The following PCDHA11 variants were observed in gnomAD, a reference collection of about 807,000 sequenced individuals.
PCDHA11 encodes the protein protocadherin alpha 11, also known as protocadherin alpha-11.
PCDHA11 carries 61 observed loss-of-function variants against 70.3 expected under a neutral mutation model. The observed-to-expected ratio is 0.87, with a 90% confidence interval of 0.71 to 1.07. PCDHA11 has a LOEUF of 1.07. PCDHA11 is among the 50% of genes least tolerant of loss of function. PCDHA11 has a pLI of 0.00. For synonymous variants in PCDHA11, 633 were observed against 555.1 expected, an observed-to-expected ratio of 1.14 and a Z score of -1.97; for missense variants, 1,324 against 1,237.5, an observed-to-expected ratio of 1.07 and a Z score of -1.05.
intron 2 of PCDHA11, among the ~76,000 whole-genome samples, chr5:140,980,144 T>C (rs2096877989): frequency 6.6e-6 from 1 of 152,172 alleles, no homozygotes; most frequent in Admixed American, 6.6e-5. Flanking sequence ...GAAACATTCA[T>C]GCATATACCA....
chr5:140,975,811 A>G (rs2096684538), intron 1 of PCDHA11, among the ~76,000 whole-genome samples: 3 of 134,728 alleles, frequency 2.2e-5, no homozygotes, highest in Non-Finnish European at 5.2e-5. Context: ...TATAATTTTA[A>G]TAGGAACTGA....
intron 1 of PCDHA11, among the ~76,000 whole-genome samples, chr5:140,888,562 G>T (rs781854673): frequency 6.6e-6 from 1 of 152,112 alleles, no homozygotes; most frequent in East Asian, 1.9e-4. Flanking sequence ...TCCTTTCAAG[G>T]CTTCATTTTA....
In PCDHA11 at chr5:140,871,330, G is replaced by A; in HGVS notation, c.2227G>A (p.Ala743Thr). The change falls in exon 1 of 4, where the codon GCG becomes ACG. Residue 743 changes from alanine (A) to threonine (T), a missense_variant. Coordinates refer to ENST00000398640, the MANE Select transcript of PCDHA11 (RefSeq NM_018902.5). ...PGKPTLVCSR[A>T]VGSWSYSQQR... is the part of the protein sequence containing the mutation. ...GAAGCCCACGCTGGTGTGCTCCCGC[G>A]CGGTGGGGAGCTGGTCATACTCGCA... 1.9e-6 allele frequency: 3 copies of A among 1,614,116 alleles called. No individual in the cohort carries two copies. The highest frequency in any genetic ancestry group is 1.1e-5 in the South Asian group (1 of 91,090).
chr5:140,936,270 T>G (rs1367001317), intron 1 of PCDHA11, among the ~76,000 whole-genome samples: 2 of 152,226 alleles, frequency 1.3e-5, no homozygotes, highest in Non-Finnish European at 2.9e-5. Context: ...GAAGATATAT[T>G]CCTGTGTTTT....
intron 1 of PCDHA11, among the ~76,000 whole-genome samples, chr5:140,908,509 A>G (rs1458307706): frequency 1.3e-5 from 2 of 152,116 alleles, no homozygotes; most frequent in Non-Finnish European, 2.9e-5. Flanking sequence ...TGACTTGATG[A>G]CCCATAGTCA....
rs1562631338 is a variant in PCDHA11 at position 140,869,628 on chromosome 5, T to A, written c.525T>A (p.Asn175Lys). The A allele has an allele frequency of 6.2e-7, 1 of 1,613,700 alleles. No individual in the cohort carries two copies. Residue 175 changes from asparagine (N) to lysine (K), a missense_variant, in exon 1 of 4, where the codon AAT becomes AAA. Asn to Lys is a moderately conservative substitution (Grantham distance 94). Transcript: ENST00000398640. ...NALLTYRLSK[N>K]EYFSLDSPTN... is the part of the protein sequence containing the mutation. ...TATTGACCTACAGGCTAAGTAAAAA[T>A]GAGTATTTTTCTTTAGATTCACCAA...
chr5:140,876,801 G>A lies in PCDHA11; in HGVS notation c.2391+5307G>A, dbSNP rs1015597244. 3.1e-6 allele frequency: 5 copies of A among 1,614,114 alleles called. No homozygotes were observed. The African/African-American group carries it at 6.7e-5, about 22-fold the overall frequency. On this transcript the variant is annotated intron_variant, in intron 1 of 3. Transcript: ENST00000398640. ...TGTGGGCCACGGCTAGAGTGTCCGT[G>A]GAGGTGGCCGACGTGAACGACAATG...
chr5:140,884,443 A>G (rs568353165), intron 1 of PCDHA11: 2 of 1,613,454 alleles, frequency 1.2e-6, no homozygotes, highest in South Asian at 2.2e-5. Flanking sequence ...GGTGCTCGGC[A>G]CCGCCCACCG....
At chr5:140,887,984 A>G (rs2061657027) in intron 1 of PCDHA11, among the ~76,000 whole-genome samples, 1 of 152,178 alleles carries the variant, frequency 6.6e-6, no homozygotes, top group Admixed American at 6.5e-5. Context: ...TTTATTTTAC[A>G]TGTCTCCACC....
chr5:140,870,734 T>A lies in PCDHA11; in HGVS notation c.1631T>A (p.Leu544Gln), dbSNP rs782055886. The A allele has an allele frequency of 6.2e-7, 1 of 1,613,458 alleles. No homozygotes were observed. ...VSARDAGVPP[L>Q]SSNVTLQVFV... is the part of the protein sequence containing the mutation. ...GCGCGCGATGCGGGCGTGCCGCCTC[T>A]GAGCAGCAACGTGACGCTGCAGGTG... The change falls in exon 1 of 4, where the codon CTG becomes CAG. Residue 544 changes from leucine to glutamine, a missense_variant. By Grantham distance (113) the Leu-to-Gln change is moderately radical. Coordinates refer to ENST00000398640, the MANE Select transcript of PCDHA11 (RefSeq NM_018902.5).
chr5:140,871,113 G>A lies in PCDHA11; in HGVS notation c.2010G>A (p.Glu670=), dbSNP rs782238733. 1.5e-5 allele frequency: 24 copies of A among 1,613,188 alleles called. No individual in the cohort carries two copies. Among genetic ancestry groups the A allele is most frequent in the South Asian group, 7.7e-5 (7 of 91,080 alleles). Residue 670 remains glutamate, a synonymous_variant, in exon 1 of 4, where the codon GAG becomes GAA. Coordinates refer to ENST00000398640, the MANE Select transcript of PCDHA11 (RefSeq NM_018902.5). ...CCACCGTGCTGGTGTCGTTGGTGGA[G>A]AGCGGACAGGCGCCAAAGGCCTCTT... ...ATATVLVSLV[E]SGQAPKASSR... is the part of the protein sequence containing the mutation.
At position 140,924,716 on chromosome 5, in the gene PCDHA11, G is replaced by A. The variant is rs534222527; in HGVS notation, c.2391+53222G>A. On this transcript the variant is annotated intron_variant, in intron 1 of 3. Coordinates refer to ENST00000398640, the MANE Select transcript of PCDHA11 (RefSeq NM_018902.5). The stretch of plus-strand genomic sequence containing the variant: ...TCGAGACCAGCTTGTGCAACATGGC[G>A]AAACCTCACCTCTAATAAAAATACA... Among the ~76,000 whole-genome samples, 5 of 151,980 alleles carry A rather than the reference G, an allele frequency of 3.3e-5. No homozygotes were observed. The South Asian group carries it at 1.0e-3, about 32-fold the overall frequency.
chr5:141,005,662 A>G (rs2098227817), intron 3 of PCDHA11, among the ~76,000 whole-genome samples: 1 of 138,324 alleles, frequency 7.2e-6, no homozygotes, highest in East Asian at 2.2e-4. Context: ...AGATCGCGCC[A>G]CTGCACTCCA....
intron 1 of PCDHA11, among the ~76,000 whole-genome samples, chr5:140,897,050 G>A (rs1269082503): frequency 6.6e-6 from 1 of 152,014 alleles, no homozygotes; most frequent in Non-Finnish European, 1.5e-5. Flanking sequence ...CTATTCTGCT[G>A]TCAAATACTA....
intron 1 of PCDHA11, among the ~76,000 whole-genome samples, chr5:140,943,257 CAAAAAAAAAAA>C (rs1238620023): frequency 1.3e-5 from 1 of 77,574 alleles, no homozygotes. Flanking sequence ...GACTCTGTCT[CAAAAAAAAAAA>C]AAAAAAAAAG....
At chr5:140,943,257 CAA>C (rs1238620023) in intron 1 of PCDHA11, among the ~76,000 whole-genome samples, 5 of 77,564 alleles carry the variant, frequency 6.4e-5, no homozygotes, top group Non-Finnish European at 2.5e-5. Flanking sequence ...GACTCTGTCT[CAA>C]AAAAAAAAAA....
At chr5:140,955,907 C>A (rs1356508512) in intron 1 of PCDHA11, among the ~76,000 whole-genome samples, 3 of 152,126 alleles carry the variant, frequency 2.0e-5, no homozygotes, top group East Asian at 3.8e-4. Flanking sequence ...CTCTTTGTAG[C>A]AATTGTGAAT....
chr5:140,942,223 G>A (rs1334170178), intron 1 of PCDHA11, among the ~76,000 whole-genome samples: 4 of 152,064 alleles, frequency 2.6e-5, no homozygotes, highest in African/African-American at 9.7e-5. Flanking sequence ...TTTAAAATGT[G>A]TAGGCAAATA....
intron 1 of PCDHA11, among the ~76,000 whole-genome samples, chr5:140,898,157 G>A (rs1455235992): frequency 1.3e-5 from 2 of 152,162 alleles, no homozygotes; most frequent in South Asian, 4.1e-4. Context: ...CACGCTGATG[G>A]TGGTTTCTTT....
Sources: allele counts gnomAD v4.1 joint callset (sites outside exome capture counted in the v4.1 genomes callset), GRCh38; gene constraint gnomAD v4.1.1; transcripts MANE v1.5; gene names NCBI Gene and HGNC (gene_info 2026-07-23, HGNC 2026-07-21).